The following PIK3R5 variants were observed in gnomAD, a reference collection of about 807,000 sequenced individuals.
PIK3R5 encodes the protein phosphoinositide-3-kinase regulatory subunit 5.
PIK3R5 carries 32 observed loss-of-function variants against 94.9 expected under a neutral mutation model. The observed-to-expected ratio is 0.34, with a 90% CI of 0.25 to 0.45. The LOEUF (loss-of-function observed/expected upper bound fraction) is 0.45. Among genes scored for constraint, PIK3R5 ranks in the 20% least tolerant of loss-of-function variants. The probability of loss-of-function intolerance (pLI) is 1.00; values close to 1 mark genes in which losing one functional copy is unlikely to be tolerated. For missense variants in PIK3R5, 853 were observed against 1,144.6 expected (o/e 0.75, Z 3.68); for synonymous variants, 443 against 479.4 (o/e 0.92, Z 0.99).
chr17:8,893,668 A>AAG lies in PIK3R5; in HGVS notation c.413-15_413-14dup. On this transcript the variant is annotated splice_polypyrimidine_tract_variant and intron_variant, in intron 5 of 18. Coordinates refer to ENST00000447110, the MANE Select transcript of PIK3R5 (RefSeq NM_001142633.3). The surrounding 1 kb of genome is among the most constrained non-coding windows in gnomAD (Gnocchi z 5.1). ...TGGTAGGAGATCCCTGTGGGTCAAG[A>AAG]AGAAAAGAGTTCATGGGCTGATCAG... is the stretch of plus-strand genomic sequence containing the variant. 1 of 1,607,222 alleles carries AAG rather than the reference A, an allele frequency of 6.2e-7. No homozygotes were observed. Among genetic ancestry groups the AAG allele is most frequent in the Admixed American group, 1.7e-5 (1 of 60,006 alleles).
rs1235730561 is a variant in PIK3R5, at chr17:8,893,554, C to G, written c.482+32G>C. 1 of 1,576,522 alleles carries G rather than the reference C, an allele frequency of 6.3e-7. No individual in the cohort carries two copies. ...AGTGCAGGGGTCCCAAACTCCCTCCCCACTGTTTCTCCGTCCCCCAAGAGC... is the reference window on the plus strand; with the variant it reads ...AGTGCAGGGGTCCCAAACTCCCTCCGCACTGTTTCTCCGTCCCCCAAGAGC... On this transcript the variant is annotated intron_variant, in intron 6 of 18. Transcript: ENST00000447110. The surrounding 1 kb of genome is among the most constrained non-coding windows in gnomAD (Gnocchi z 5.1).
chr17:8,895,733 G>A lies in PIK3R5; in HGVS notation c.413-2078C>T, dbSNP rs113827337. On this transcript the variant is annotated intron_variant, in intron 5 of 18. Coordinates refer to ENST00000447110, the MANE Select transcript of PIK3R5 (RefSeq NM_001142633.3). ...TCAGAAGCTGCTTCGTATGAGCTAC[G>A]TGGACTCCACGCGACTGTTGCTCTA... Among the ~76,000 whole-genome samples, 950 of 152,260 alleles carry A rather than the reference G, an allele frequency of 6.2e-3. 11 individuals carry two copies. Among genetic ancestry groups the A allele is most frequent in the African/African-American group, 0.021 (893 of 41,542 alleles).
At chr17:8,957,658 T>G (rs1339120846) in intron 1 of PIK3R5, among the ~76,000 whole-genome samples, 2 of 152,162 alleles carry the variant, frequency 1.3e-5, no homozygotes, top group Non-Finnish European at 2.9e-5. Flanking sequence ...CTGAAGGGCA[T>G]ATAAAGTAAG....
rs2151339116 is a variant in PIK3R5 at position 8,879,747 on chromosome 17, G to A, written c.*892C>T. 6.6e-6 allele frequency: 1 copy of A among 152,370 alleles called. No individual in the cohort carries two copies. Among genetic ancestry groups the A allele is most frequent in the Admixed American group, 6.5e-5 (1 of 15,302 alleles). 9.4% of individuals were successfully genotyped at this position (152,370 alleles called of 1,614,324 possible). A position where few individuals can be genotyped will look rare whatever the true frequency, so the allele number is the denominator to read the frequency against. ...AACAGGAGGAATCAGTGTTCAGAAAGTCAGGCACTAAGCTTTACTGAACAC... is the reference window on the plus strand; with the variant it reads ...AACAGGAGGAATCAGTGTTCAGAAAATCAGGCACTAAGCTTTACTGAACAC... On this transcript the variant is annotated 3_prime_UTR_variant, in exon 19 of 19. Coordinates refer to ENST00000447110, the MANE Select transcript of PIK3R5 (RefSeq NM_001142633.3). The surrounding 1 kb of genome is among the most constrained non-coding windows in gnomAD (Gnocchi z 4.4).
Position 8,890,820 on chromosome 17 carries a change from G to T in PIK3R5, c.575C>A (p.Ala192Asp). ...GGCGTGCAGGAGCAGGGTGGTGTAG[G>T]CACTGTGAGGCGAGTGTCCGGGCGT... ...LSTPGHSPHS[A>D]YTTLLLHAFQ... Residue 192 changes from alanine (A) to aspartate (D), a missense_variant, in exon 7 of 19, where the codon GCC becomes GAC. Ala to Asp is a moderately radical substitution (Grantham distance 126). Coordinates refer to ENST00000447110, the MANE Select transcript of PIK3R5 (RefSeq NM_001142633.3). This position sits in a 1 kb window ranked among gnomAD's most constrained non-coding sequence, Gnocchi z 6.1. 6.2e-7 allele frequency: 1 copy of T among 1,613,342 alleles called. No homozygotes were observed. Among genetic ancestry groups the T allele is most frequent in the Non-Finnish European group, 8.5e-7 (1 of 1,179,710 alleles).
rs751349109 is a variant in PIK3R5, at chr17:8,893,688, G to A, written c.413-33C>T. The A allele has an allele frequency of 1.4e-5, 22 of 1,528,272 alleles. No individual in the cohort carries two copies. The African/African-American group carries it at 3.0e-4, about 21-fold the overall frequency. The allele number at this position is 1,528,272 out of a possible 1,614,324, so 94.7% of individuals were successfully genotyped here. A position where few individuals can be genotyped will look rare whatever the true frequency, so the allele number is the denominator to read the frequency against. On this transcript the variant is annotated intron_variant, in intron 5 of 18. Transcript: ENST00000447110. This position sits in a 1 kb window ranked among gnomAD's most constrained non-coding sequence, Gnocchi z 5.1. ...TCAAGAAGAAAAGAGTTCATGGGCT[G>A]ATCAGTTCCTTCAGCATCGTCCGTG...
intron 1 of PIK3R5, among the ~76,000 whole-genome samples, chr17:8,939,917 C>T (rs752752190): frequency 2.0e-5 from 3 of 152,162 alleles, no homozygotes; most frequent in Non-Finnish European, 4.4e-5. Context: ...CTCAAATCTG[C>T]GTATTTCTGG....
chr17:8,885,203 G>C, intron 14 of PIK3R5: 1 of 224,566 alleles, frequency 4.5e-6, no homozygotes, highest in Non-Finnish European at 9.0e-6. Context: ...CCTCCACCTG[G>C]CCCGACCTCC....
At position 8,881,603 on chromosome 17, in the gene PIK3R5, T is replaced by C. The variant is rs1342407581; in HGVS notation, c.2382+27A>G. The stretch of plus-strand genomic sequence containing the variant: ...CGCTCCAGTAAGTCTCTTGAGGGTA[T>C]GGCTGGAAGGAGAGGGAAGCCCGTA... On this transcript the variant is annotated intron_variant, in intron 17 of 18. Coordinates refer to ENST00000447110, the MANE Select transcript of PIK3R5 (RefSeq NM_001142633.3). This position sits in a 1 kb window ranked among gnomAD's most constrained non-coding sequence, Gnocchi z 4.8. 1.3e-6 allele frequency: 2 copies of C among 1,583,250 alleles called. No homozygotes were observed. Among genetic ancestry groups the C allele is most frequent in the Non-Finnish European group, 1.7e-6 (2 of 1,156,658 alleles).
chr17:8,888,535 C>G lies in PIK3R5; in HGVS notation c.1252G>C (p.Gly418Arg). The G allele has an allele frequency of 6.2e-7, 1 of 1,611,714 alleles. No individual in the cohort carries two copies. Among genetic ancestry groups the G allele is most frequent in the Non-Finnish European group, 8.5e-7 (1 of 1,179,630 alleles). Residue 418 changes from glycine to arginine, a missense_variant, in exon 10 of 19, where the codon GGG becomes CGG. This residue lies in a region of PIK3R5 where 319 missense variants were observed against 339.8 expected (regional missense o/e 0.94). Transcript: ENST00000447110. The surrounding 1 kb of genome is among the most constrained non-coding windows in gnomAD (Gnocchi z 7.8). ...SQERRGHRRP[G>R]QKFIRIYKLF... ...TTATAGATCCTGATGAACTTCTGCC[C>G]AGGCCTGCGGTGGCCTCGGCGTTCC...
intron 14 of PIK3R5, chr17:8,885,084 C>T (rs1164037676): frequency 7.7e-6 from 3 of 390,938 alleles, no homozygotes; most frequent in Non-Finnish European, 1.4e-5. Context: ...TCCTGCCTCT[C>T]CAGGGCCCCA....
intron 1 of PIK3R5, among the ~76,000 whole-genome samples, chr17:8,936,890 C>T (rs375225722): frequency 1.3e-5 from 2 of 152,286 alleles, no homozygotes; most frequent in East Asian, 3.9e-4. Context: ...TATACATGAA[C>T]ATGGAATACC....
At chr17:8,932,408 T>C (rs2091003254) in intron 1 of PIK3R5, among the ~76,000 whole-genome samples, 1 of 152,114 alleles carries the variant, frequency 6.6e-6, no homozygotes, top group South Asian at 2.1e-4. Flanking sequence ...CTGATTTTTG[T>C]ATTTTTAATA....
intron 1 of PIK3R5, among the ~76,000 whole-genome samples, chr17:8,952,533 A>C (rs1167311855): frequency 1.3e-5 from 2 of 152,120 alleles, no homozygotes; most frequent in Non-Finnish European, 2.9e-5. Flanking sequence ...CTCTAGGGAG[A>C]GCAGCAGGGA....
intron 5 of PIK3R5, among the ~76,000 whole-genome samples, chr17:8,899,695 A>T (rs1597387037): frequency 6.6e-6 from 1 of 151,816 alleles, no homozygotes; most frequent in African/African-American, 2.4e-5. Flanking sequence ...CTCTTTCTCC[A>T]CTTAACTGGG....
At chr17:8,883,433 C>G (rs1340592091) in intron 15 of PIK3R5, among the ~76,000 whole-genome samples, 1 of 152,194 alleles carries the variant, frequency 6.6e-6, no homozygotes, top group Non-Finnish European at 1.5e-5. Flanking sequence ...ATGCTGGTCC[C>G]CCATTTCTTT....
chr17:8,890,678 G>T lies in PIK3R5; in HGVS notation c.657+60C>A. 1.4e-6 allele frequency: 2 copies of T among 1,418,352 alleles called. No homozygotes were observed. The highest frequency in any genetic ancestry group is 1.9e-6 in the Non-Finnish European group (2 of 1,036,130). 87.9% of individuals were successfully genotyped at this position (1,418,352 alleles called of 1,614,324 possible). On this transcript the variant is annotated intron_variant, in intron 7 of 18. Transcript: ENST00000447110. This position sits in a 1 kb window ranked among gnomAD's most constrained non-coding sequence, Gnocchi z 6.1. ...GAGACCGTGGCTGAGATGAAGCAGG[G>T]AGAGGGTGCTACCTCCTCAGAGAGG...
chr17:8,961,803 CAAG>C (rs1004726773), intron 1 of PIK3R5, among the ~76,000 whole-genome samples: 61 of 152,238 alleles, frequency 4.0e-4, no homozygotes, highest in African/African-American at 1.4e-3. Flanking sequence ...TCAGAAGACT[CAAG>C]AAGGACCCAG....
At chr17:8,914,240 A>G (rs1221578780) in intron 1 of PIK3R5, among the ~76,000 whole-genome samples, 1 of 152,144 alleles carries the variant, frequency 6.6e-6, no homozygotes, top group Non-Finnish European at 1.5e-5. Context: ...CTCATTTTAC[A>G]GAAGGGGAGG....
Sources: allele counts gnomAD v4.1 joint callset (sites outside exome capture counted in the v4.1 genomes callset), GRCh38; gene constraint gnomAD v4.1.1; regional missense constraint gnomAD v4.1.1; non-coding constraint Gnocchi (gnomAD v3.1); transcripts MANE v1.5; gene names NCBI Gene and HGNC (gene_info 2026-07-23, HGNC 2026-07-21).